The following KHDRBS2 variants were observed in gnomAD, a reference collection of about 807,000 sequenced individuals.
KHDRBS2 encodes the protein KH RNA binding domain containing, signal transduction associated 2.
A neutral mutation model predicts 44.3 loss-of-function variants in KHDRBS2; 26 were observed. The observed-to-expected ratio is 0.59, with a 90% CI of 0.43 to 0.81. The LOEUF is 0.81. Ranked by LOEUF, KHDRBS2 falls within the 40% of genes least tolerant of loss-of-function variation. The pLI is 0.00. For synonymous variants in KHDRBS2, 194 were observed against 151.1 expected (o/e 1.28, Z -2.08); for missense variants, 476 against 433.1 (o/e 1.10, Z -0.88).
At chr6:61,945,906 C>T (rs1813272050) in intron 4 of KHDRBS2, among the ~76,000 whole-genome samples, 2 of 152,056 alleles carry the variant, frequency 1.3e-5, no homozygotes, top group Admixed American at 6.6e-5. Context: ...ACACAAAATG[C>T]CACAGTCCAG....
At chr6:61,715,878 A>G (rs980462616) in intron 7 of KHDRBS2, among the ~76,000 whole-genome samples, 5 of 151,836 alleles carry the variant, frequency 3.3e-5, no homozygotes, top group African/African-American at 1.2e-4. Context: ...ATATATTTGA[A>G]TCCTTAAAAT....
the KHDRBS2 span, among the ~76,000 whole-genome samples, chr6:61,648,672 C>A: frequency 6.6e-6 from 1 of 152,096 alleles, no homozygotes; most frequent in Non-Finnish European, 1.5e-5. Context: ...GAAAACAAGG[C>A]GGTCATTCTA....
At chr6:61,816,448 T>C (rs1788953460) in intron 6 of KHDRBS2, among the ~76,000 whole-genome samples, 1 of 151,970 alleles carries the variant, frequency 6.6e-6, no homozygotes, top group Non-Finnish European at 1.5e-5. Context: ...GTAATGCAGC[T>C]GCAAGCCAAG....
chr6:62,091,731 T>C (rs1390409451), intron 2 of KHDRBS2, among the ~76,000 whole-genome samples: 2 of 152,270 alleles, frequency 1.3e-5, no homozygotes, highest in African/African-American at 2.4e-5. Flanking sequence ...AAGTTACACA[T>C]GCTGGAGCCA....
intron 1 of KHDRBS2, among the ~76,000 whole-genome samples, chr6:62,195,505 A>G (rs1005038576): frequency 3.9e-5 from 6 of 152,194 alleles, no homozygotes; most frequent in Non-Finnish European, 5.9e-5. Flanking sequence ...TTCTTAGTCA[A>G]CAAACAAAAG....
intron 3 of KHDRBS2, among the ~76,000 whole-genome samples, chr6:61,986,773 G>A (rs1229723787): frequency 6.6e-6 from 1 of 152,106 alleles, no homozygotes; most frequent in African/African-American, 2.4e-5. Context: ...TCCCACACAT[G>A]GCAGAAGAGA....
At chr6:61,990,986 G>T (rs545295395) in intron 3 of KHDRBS2, among the ~76,000 whole-genome samples, 8 of 152,238 alleles carry the variant, frequency 5.3e-5, no homozygotes, top group African/African-American at 1.9e-4. Flanking sequence ...GGGATTACAG[G>T]CATGAGCCAC....
At chr6:62,257,656 A>G (rs1409570342) in intron 1 of KHDRBS2, among the ~76,000 whole-genome samples, 1 of 152,044 alleles carries the variant, frequency 6.6e-6, no homozygotes, top group African/African-American at 2.4e-5. Flanking sequence ...CCCCTGCTCA[A>G]TGAGAAAAGT....
At chr6:61,996,545 A>T (rs1777197634) in intron 3 of KHDRBS2, among the ~76,000 whole-genome samples, 1 of 152,032 alleles carries the variant, frequency 6.6e-6, no homozygotes, top group South Asian at 2.1e-4. Flanking sequence ...ATTTTGGATT[A>T]TGTTATATCA....
At chr6:61,943,674 C>A (rs961138328) in intron 4 of KHDRBS2, among the ~76,000 whole-genome samples, 1 of 152,104 alleles carries the variant, frequency 6.6e-6, no homozygotes, top group African/African-American at 2.4e-5. Context: ...TACAAAACAT[C>A]TTCTGCACAG....
intron 1 of KHDRBS2, among the ~76,000 whole-genome samples, chr6:62,225,472 A>G (rs1359572269): frequency 6.6e-6 from 1 of 152,200 alleles, no homozygotes; most frequent in East Asian, 1.9e-4. Flanking sequence ...TGATTATGAT[A>G]TCAATTTGGG....
At chr6:61,768,559 C>A (rs954373387) in intron 6 of KHDRBS2, among the ~76,000 whole-genome samples, 5 of 151,864 alleles carry the variant, frequency 3.3e-5, no homozygotes, top group African/African-American at 9.7e-5. Flanking sequence ...TCCTTTTTCT[C>A]CTGTCTCCCT....
chr6:62,028,724 T>C (rs1227282549), intron 3 of KHDRBS2, among the ~76,000 whole-genome samples: 1 of 152,078 alleles, frequency 6.6e-6, no homozygotes, highest in African/African-American at 2.4e-5. Flanking sequence ...CTATCACAAC[T>C]AGCAAAACTC....
At chr6:62,066,835 T>C (rs1793846129) in intron 2 of KHDRBS2, among the ~76,000 whole-genome samples, 1 of 151,634 alleles carries the variant, frequency 6.6e-6, no homozygotes, top group Admixed American at 6.6e-5. Context: ...TGCTTTTTTG[T>C]CCTGGATGGT....
the KHDRBS2 span, among the ~76,000 whole-genome samples, chr6:61,656,857 A>G: frequency 1.3e-5 from 2 of 151,916 alleles, no homozygotes; most frequent in Non-Finnish European, 2.9e-5. Context: ...AATTCTTTAG[A>G]TTTTCAGCTG....
At chr6:61,953,933 A>G (rs1397978383) in intron 4 of KHDRBS2, among the ~76,000 whole-genome samples, 1 of 152,188 alleles carries the variant, frequency 6.6e-6, no homozygotes, top group East Asian at 1.9e-4. Context: ...TAACTTAAAG[A>G]AGACCTATGA....
chr6:61,662,830 A>C, the KHDRBS2 span, among the ~76,000 whole-genome samples: 1 of 151,884 alleles, frequency 6.6e-6, no homozygotes, highest in South Asian at 2.1e-4. Flanking sequence ...ACCATTGTGG[A>C]AGTCAGTGTG....
chr6:61,581,765 G>T, the KHDRBS2 span, among the ~76,000 whole-genome samples: 3 of 151,214 alleles, frequency 2.0e-5, no homozygotes, highest in African/African-American at 7.3e-5. Context: ...TGGATATATA[G>T]TATTAAAATG....
At chr6:62,197,679 C>T (rs141447324) in intron 1 of KHDRBS2, among the ~76,000 whole-genome samples, 1 of 152,102 alleles carries the variant, frequency 6.6e-6, no homozygotes, top group African/African-American at 2.4e-5. Context: ...ACAGATCAAC[C>T]AGACAGAAAG....
Sources: gnomAD v4.1 joint callset for allele counts (sites outside exome capture counted in the v4.1 genomes callset) on GRCh38, gnomAD v4.1.1 for gene constraint, MANE v1.5 for transcripts, NCBI Gene and HGNC (gene_info 2026-07-23, HGNC 2026-07-21) for gene names.